Variants in SLC19A1 observed in about 807,000 individuals in gnomAD.
SLC19A1 encodes the protein reduced folate transporter.
A neutral mutation model predicts 35.3 loss-of-function variants in SLC19A1; 37 were observed. The observed-to-expected ratio is 1.05, with a 90% confidence interval of 0.81 to 1.38. The LOEUF is 1.38. Ranked by LOEUF, SLC19A1 falls within the 40% of genes most tolerant of loss-of-function variation. The pLI, the probability that SLC19A1 is intolerant of heterozygous loss-of-function variation, is 0.00. For synonymous variants in SLC19A1, 460 were observed against 398.5 expected (o/e 1.15, Z -1.84); for missense variants, 831 against 826.9 (o/e 1.00, Z -0.06).
At chr21:45,519,380 G>A (rs1305219005) in intron 5 of SLC19A1, among the ~76,000 whole-genome samples, 1 of 152,056 alleles carries the variant, frequency 6.6e-6, no homozygotes. Flanking sequence ...TACACCAACT[G>A]TAAGACAGAG....
chr21:45,523,713 A>G (rs994390891), intron 5 of SLC19A1, among the ~76,000 whole-genome samples: 8 of 152,194 alleles, frequency 5.3e-5, no homozygotes, highest in Non-Finnish European at 1.2e-4. Flanking sequence ...GGCAGTCAGC[A>G]CCCAGAGGCA....
chr21:45,526,406 G>A (rs1019416649), intron 4 of SLC19A1, among the ~76,000 whole-genome samples: 2 of 152,312 alleles, frequency 1.3e-5, no homozygotes, highest in Admixed American at 1.3e-4. Flanking sequence ...CAAAGGGGTT[G>A]CCTGCTACTG....
rs1384951091 is a variant in SLC19A1 at position 45,530,987 on chromosome 21, T to C, written c.950-16A>G. 1 of 1,006,640 alleles carries C rather than the reference T, an allele frequency of 9.9e-7. No homozygotes were observed. The highest frequency in any genetic ancestry group is 9.3e-5 in the East Asian group (1 of 10,740). 62.4% of individuals were successfully genotyped at this position (1,006,640 alleles called of 1,614,324 possible). On this transcript the variant is annotated splice_polypyrimidine_tract_variant and intron_variant, in intron 3 of 5. Coordinates refer to ENST00000311124, the MANE Select transcript of SLC19A1 (RefSeq NM_194255.4). This position sits in a 1 kb window ranked among gnomAD's most constrained non-coding sequence, Gnocchi z 5.3. ...GTGATGGCGCCTGAGAGGGGAGGGA[T>C]GGGGCGTTGCAGCGGCCCTGGGGGG... is the stretch of plus-strand genomic sequence containing the variant.
rs781308033 is a variant in SLC19A1 at position 45,505,938 on chromosome 21, G to A, written c.498-7326C>T. ...GCCGAGCAGGAGGAGCTCTACGTCCGCGTGCAGAACGGGTTCCGGAAGGTC... is the reference window on the plus strand; with the variant it reads ...GCCGAGCAGGAGGAGCTCTACGTCCACGTGCAGAACGGGTTCCGGAAGGTC... On this transcript the variant is annotated intron_variant, in intron 3 of 4. Coordinates refer to the SLC19A1 transcript ENST00000417954. The A allele has an allele frequency of 2.3e-5, 37 of 1,613,118 alleles. No individual in the cohort carries two copies. Among genetic ancestry groups the A allele is most frequent in the East Asian group, 1.3e-4 (6 of 44,894 alleles).
chr21:45,528,489 C>T (rs576436162), intron 4 of SLC19A1, among the ~76,000 whole-genome samples: 11 of 152,160 alleles, frequency 7.2e-5, no homozygotes, highest in African/African-American at 2.2e-4. Context: ...GGAGCCCAGC[C>T]GGCCCGTCAG....
chr21:45,505,881 A>C lies in SLC19A1; in HGVS notation c.498-7269T>G, dbSNP rs2037173826. ...CGCCAGGCCATGCTGGGCCAGGTGCACGAGGTTCCCGAGGGCTGGCTCATC... is the reference window on the plus strand; with the variant it reads ...CGCCAGGCCATGCTGGGCCAGGTGCCCGAGGTTCCCGAGGGCTGGCTCATC... On this transcript the variant is annotated intron_variant, in intron 3 of 4. Transcript: ENST00000417954. 4 of 1,609,464 alleles carry C rather than the reference A, an allele frequency of 2.5e-6. No homozygotes were observed. The highest frequency in any genetic ancestry group is 3.4e-6 in the Non-Finnish European group (4 of 1,178,606).
chr21:45,505,849 G>T, intron 3 of SLC19A1: 5 of 1,609,974 alleles, frequency 3.1e-6, no homozygotes, highest in Non-Finnish European at 3.4e-6. Flanking sequence ...TGAGGCTCTG[G>T]GCTACACGCC....
intron 3 of SLC19A1, chr21:45,505,868 C>G: frequency 6.2e-7 from 1 of 1,611,948 alleles, no homozygotes; most frequent in Non-Finnish European, 8.5e-7. Flanking sequence ...CCAGGCCATG[C>G]TGGGCCAGGT....
In SLC19A1 at chr21:45,530,893, G is replaced by A. The variant is rs1486450479; in HGVS notation, c.1028C>T (p.Thr343Met). The change falls in exon 4 of 6, where the codon ACG becomes ATG. Residue 343 changes from threonine (T) to methionine (M), a missense_variant. Transcript: ENST00000311124. The surrounding 1 kb of genome is among the most constrained non-coding windows in gnomAD (Gnocchi z 5.3). ...RWSKLLIAGV[T>M]ATQAGLVFLL... is the part of the protein sequence containing the mutation. ...GAAGACCAGCCCCGCCTGCGTGGCCGTGACGCCCGCGATGAGCAGCTTGGA... is the reference window on the plus strand; with the variant it reads ...GAAGACCAGCCCCGCCTGCGTGGCCATGACGCCCGCGATGAGCAGCTTGGA... The A allele has an allele frequency of 2.0e-6, 3 of 1,482,074 alleles. No individual in the cohort carries two copies. The highest frequency in any genetic ancestry group is 2.9e-5 in the African/African-American group (2 of 68,026). The allele number at this position is 1,482,074 out of a possible 1,614,324, so 91.8% of individuals were successfully genotyped here. A position where few individuals can be genotyped will look rare whatever the true frequency, so the allele number is the denominator to read the frequency against.
chr21:45,527,172 C>A (rs925313372), intron 4 of SLC19A1, among the ~76,000 whole-genome samples: 11 of 144,996 alleles, frequency 7.6e-5, no homozygotes, highest in African/African-American at 2.7e-4. Flanking sequence ...CTGGGCAGAG[C>A]GGGCCCTGGA....
downstream of SLC19A1, chr21:45,511,023 A>AACC (rs1327562260): frequency 5.4e-5 from 13 of 242,466 alleles, 1 homozygote; most frequent in African/African-American, 2.4e-4. Flanking sequence ...ACACATCCAC[A>AACC]CCCCACATCC....
At chr21:45,504,264 TG>T in intron 3 of SLC19A1, 1 of 870,992 alleles carries the variant, frequency 1.1e-6, no homozygotes, top group Non-Finnish European at 1.8e-6. Flanking sequence ...CAGTGGGAGG[TG>T]GGGAGTCGAG....
chr21:45,506,392 A>G (rs2037206809), intron 3 of SLC19A1: 1 of 333,792 alleles, frequency 3.0e-6, no homozygotes, highest in African/African-American at 2.1e-5. Context: ...CCGCGTTATA[A>G]ACACCAAGGT....
intron 3 of SLC19A1, chr21:45,505,048 T>A: frequency 6.6e-7 from 1 of 1,524,444 alleles, no homozygotes; most frequent in Non-Finnish European, 8.9e-7. Context: ...GCCAAGGGGG[T>A]CTTGGCAGCT....
downstream of SLC19A1, among the ~76,000 whole-genome samples, chr21:45,510,728 G>T (rs1478804663): frequency 6.6e-6 from 1 of 152,178 alleles, no homozygotes; most frequent in Non-Finnish European, 1.5e-5. Context: ...GTGCCCCGGG[G>T]AGCACCCACA....
intron 3 of SLC19A1, chr21:45,505,895 G>A (rs1443148584): frequency 6.2e-7 from 1 of 1,612,970 alleles, no homozygotes; most frequent in South Asian, 1.1e-5. Flanking sequence ...GGTTCCCGAG[G>A]GCTGGCTCAT....
rs769397831 is a variant in SLC19A1, at chr21:45,531,429, C to A, written c.909G>T (p.Arg303=). ...CAGCATCTGCCGCGCCGTTGTAGACCCGCGCACTGTTGGTGGTGGGGTCCA... is the reference window on the plus strand; with the variant it reads ...CAGCATCTGCCGCGCCGTTGTAGACACGCGCACTGTTGGTGGTGGGGTCCA... The part of the protein sequence containing the change: ...NEVDPTTNSA[R]VYNGAADAAS... The change falls in exon 3 of 6, where the codon CGG becomes CGT. Residue 303 remains arginine (R), a synonymous_variant. Transcript: ENST00000311124. 6.2e-7 allele frequency: 1 copy of A among 1,608,546 alleles called. No individual in the cohort carries two copies. Among genetic ancestry groups the A allele is most frequent in the Non-Finnish European group, 8.5e-7 (1 of 1,177,534 alleles).
At position 45,540,422 on chromosome 21, in the gene SLC19A1, T is replaced by A; in HGVS notation, c.-50+1946A>T. Among the ~76,000 whole-genome samples, 1 of 152,088 alleles carries A rather than the reference T, an allele frequency of 6.6e-6. No homozygotes were observed. The highest frequency in any genetic ancestry group is 2.1e-4 in the South Asian group (1 of 4,810). ...CCCCCAGGGGCCCGGGAGCCCTGGG[T>A]ACTTGGGCCCCCTGTTCTGAAAGGT... On this transcript the variant is annotated intron_variant, in intron 1 of 5. Transcript: ENST00000311124. The surrounding 1 kb of genome is among the most constrained non-coding windows in gnomAD (Gnocchi z 5.5).
downstream of SLC19A1, among the ~76,000 whole-genome samples, chr21:45,511,513 C>T (rs2037607339): frequency 6.6e-6 from 1 of 152,166 alleles, no homozygotes. Flanking sequence ...GTCACCAAGC[C>T]TGTGGTCAGC....
Sources: gnomAD v4.1 joint callset for allele counts (sites outside exome capture counted in the v4.1 genomes callset) on GRCh38, gnomAD v4.1.1 for gene constraint, Gnocchi (gnomAD v3.1) non-coding constraint, MANE v1.5 for transcripts, NCBI Gene and HGNC (gene_info 2026-07-23, HGNC 2026-07-21) for gene names.